The following AFAP1L2 variants were observed in gnomAD, a reference collection of about 807,000 sequenced individuals.
The protein encoded by AFAP1L2 is actin filament-associated protein 1-like 2.
A neutral mutation model predicts 99.3 loss-of-function variants in AFAP1L2; 46 were observed. That is an observed-to-expected ratio of 0.46 (90% confidence interval 0.37 to 0.59). AFAP1L2 has a LOEUF of 0.59. Among genes scored for constraint, AFAP1L2 ranks in the 20% least tolerant of loss-of-function variants. AFAP1L2 has a pLI of 0.00. For missense variants in AFAP1L2, 959 were observed against 1,034.9 expected (o/e 0.93, Z 1.01); for synonymous variants, 397 against 419.1 (o/e 0.95, Z 0.64).
In AFAP1L2 at chr10:114,340,605, C is replaced by T. The variant is rs1000925932; in HGVS notation, c.143G>A (p.Ser48Asn). 6.2e-7 allele frequency: 1 copy of T among 1,613,856 alleles called. No individual in the cohort carries two copies. The highest frequency in any genetic ancestry group is 1.7e-4 in the Middle Eastern group (1 of 6,058). Residue 48 changes from serine (S) to asparagine (N), a missense_variant and splice_region_variant, in exon 2 of 19, where the codon AGC becomes AAC. This residue lies in a region of AFAP1L2 where 383 missense variants were observed against 472.8 expected (regional missense o/e 0.81). Transcript: ENST00000304129. ...CACCACCCAGGGCCCACACTCACTG[C>T]TGCTTTTGGTGTAAAGCCGGAGGAG... ...AELLRLYTKS[S>N]SSDEEYIYMN...
the AFAP1L2 span, chr10:114,289,000 G>A: frequency 8.7e-6 from 14 of 1,614,162 alleles, no homozygotes; most frequent in African/African-American, 4.0e-5. Context: ...AGTAGGGCCC[G>A]AGAATTTTGC....
At chr10:114,383,928 G>T (rs1402816333) in intron 1 of AFAP1L2, among the ~76,000 whole-genome samples, 2 of 152,130 alleles carry the variant, frequency 1.3e-5, no homozygotes, top group Non-Finnish European at 2.9e-5. Context: ...CTTCTTCTCA[G>T]TCTTCCCCTC....
Position 114,308,492 on chromosome 10 carries a change from G to A in AFAP1L2, c.908C>T (p.Ser303Leu), listed in dbSNP as rs540236131. The stretch of plus-strand genomic sequence containing the variant: ...CACGGAGCTCCCATACTCTGAAGCC[G>A]ACAGGTACTTCTCAGCTATATCTGG... ...QKPDIAEKYLSASEYGSSVDG... is the reference protein window; with the variant it reads ...QKPDIAEKYLLASEYGSSVDG... Residue 303 changes from serine to leucine, a missense_variant, in exon 9 of 19, where the codon TCG becomes TTG. Around this residue, in one of 2 missense-constraint regions of AFAP1L2, gnomAD observed 383 missense variants for 472.8 expected, o/e 0.81. Transcript: ENST00000304129. 3.0e-5 allele frequency: 49 copies of A among 1,614,122 alleles called. No homozygotes were observed. Among genetic ancestry groups the A allele is most frequent in the African/African-American group, 1.1e-4 (8 of 75,044 alleles).
intron 1 of AFAP1L2, among the ~76,000 whole-genome samples, chr10:114,384,793 C>T (rs1016917878): frequency 2.6e-5 from 4 of 152,230 alleles, no homozygotes; most frequent in Admixed American, 2.6e-4. Flanking sequence ...TCCTGTGATC[C>T]TCCATGTGCC....
chr10:114,290,859 TTTGAGAGAAAAGAAG>T (rs2039521520), downstream of AFAP1L2, among the ~76,000 whole-genome samples: 1 of 151,756 alleles, frequency 6.6e-6, no homozygotes, highest in African/African-American at 2.4e-5. Context: ...GTGCTAGAGG[TTTGAGAGAAAAGAAG>T]TCATTGTCAA....
the AFAP1L2 span, chr10:114,286,044 G>A: frequency 1.4e-4 from 224 of 1,614,062 alleles, no homozygotes; most frequent in East Asian, 2.9e-4. Flanking sequence ...TTCGTGAAGC[G>A]GTTTGTGCGG....
At chr10:114,393,745 T>C (rs1043975570) in intron 1 of AFAP1L2, among the ~76,000 whole-genome samples, 10 of 152,190 alleles carry the variant, frequency 6.6e-5, no homozygotes, top group African/African-American at 2.4e-4. Context: ...CTGGATCCCG[T>C]AACTCTTGGA....
chr10:114,393,751 T>C (rs1158837041), intron 1 of AFAP1L2, among the ~76,000 whole-genome samples: 1 of 152,144 alleles, frequency 6.6e-6, no homozygotes, highest in Non-Finnish European at 1.5e-5. Flanking sequence ...CCCGTAACTC[T>C]TGGAGATTTG....
chr10:114,282,439 G>A, the AFAP1L2 span: 1 of 1,179,058 alleles, frequency 8.5e-7, no homozygotes, highest in Non-Finnish European at 1.3e-6. Context: ...AGCTTTTGGT[G>A]TTGTAAATCA....
the AFAP1L2 span, chr10:114,286,653 A>G: frequency 4.4e-5 from 31 of 701,050 alleles, no homozygotes; most frequent in Middle Eastern, 4.0e-4. Context: ...CACCAGTCAC[A>G]TAAATAATTT....
At chr10:114,378,328 T>G (rs1045572882) in intron 1 of AFAP1L2, among the ~76,000 whole-genome samples, 1 of 152,146 alleles carries the variant, frequency 6.6e-6, no homozygotes, top group Non-Finnish European at 1.5e-5. Context: ...ACCTTATTAT[T>G]CTATTAGCTC....
At chr10:114,293,988 TAA>T (rs1286178973), downstream of AFAP1L2, among the ~76,000 whole-genome samples, 4 of 152,234 alleles carry the variant, frequency 2.6e-5, no homozygotes, top group African/African-American at 7.2e-5. Flanking sequence ...CTAGATGAAC[TAA>T]GAGTGTTTAT....
chr10:114,372,508 C>T (rs1019263568), intron 1 of AFAP1L2, among the ~76,000 whole-genome samples: 2 of 152,130 alleles, frequency 1.3e-5, no homozygotes, highest in Non-Finnish European at 2.9e-5. Context: ...TAGCCAGCTC[C>T]GGAAGCTTCC....
At chr10:114,349,672 T>G (rs2050164964) in intron 1 of AFAP1L2, among the ~76,000 whole-genome samples, 1 of 152,068 alleles carries the variant, frequency 6.6e-6, no homozygotes, top group Admixed American at 6.6e-5. Context: ...CTCTTATCCC[T>G]GAAAATCAGC....
chr10:114,338,769 G>C (rs2048348829), intron 2 of AFAP1L2, among the ~76,000 whole-genome samples: 1 of 152,198 alleles, frequency 6.6e-6, no homozygotes, highest in Non-Finnish European at 1.5e-5. Flanking sequence ...GGCCAAGACA[G>C]AACTTTCTGG....
At chr10:114,392,242 T>C (rs1315992103) in intron 1 of AFAP1L2, among the ~76,000 whole-genome samples, 3 of 152,010 alleles carry the variant, frequency 2.0e-5, no homozygotes, top group Non-Finnish European at 4.4e-5. Flanking sequence ...AAAAATAAAT[T>C]ATTCAGGTGT....
intron 1 of AFAP1L2, among the ~76,000 whole-genome samples, chr10:114,342,279 C>A (rs753952257): frequency 2.0e-5 from 3 of 152,068 alleles, no homozygotes; most frequent in Non-Finnish European, 4.4e-5. Flanking sequence ...AGGTGGGGAG[C>A]CCTCTCCTCC....
intron 1 of AFAP1L2, among the ~76,000 whole-genome samples, chr10:114,350,915 C>T (rs139900783): frequency 1.6e-4 from 25 of 152,258 alleles, no homozygotes; most frequent in African/African-American, 4.6e-4. Flanking sequence ...CTTTGGGTCC[C>T]GGGAGGCCTT....
intron 1 of AFAP1L2, among the ~76,000 whole-genome samples, chr10:114,399,136 G>T (rs1309531527): frequency 6.6e-6 from 1 of 152,252 alleles, no homozygotes; most frequent in Non-Finnish European, 1.5e-5. Flanking sequence ...CTGGCAGTGT[G>T]CCAGGGGCTG....
Sources: allele counts gnomAD v4.1 joint callset (sites outside exome capture counted in the v4.1 genomes callset), GRCh38; gene constraint gnomAD v4.1.1; regional missense constraint gnomAD v4.1.1; transcripts MANE v1.5; gene names NCBI Gene and HGNC (gene_info 2026-07-23, HGNC 2026-07-21).